Variants in ATP8A2 observed in about 807,000 individuals in gnomAD.
The protein encoded by ATP8A2 is phospholipid-transporting ATPase IB.
Under a neutral mutation model 165.6 loss-of-function variants are expected in ATP8A2, and 100 were observed. The ratio of observed to expected loss-of-function variants is 0.60; its 90% CI spans 0.51 to 0.71. The LOEUF (loss-of-function observed/expected upper bound fraction) is 0.71, where lower values mean the gene tolerates loss of function less well. Among genes scored for constraint, ATP8A2 ranks in the 30% least tolerant of loss-of-function variants. The pLI is 0.00. For synonymous variants in ATP8A2, 543 were observed against 548.8 expected, an observed-to-expected ratio of 0.99 and a Z score of 0.15; for missense variants, 1,227 against 1,479.5, an observed-to-expected ratio of 0.83 and a Z score of 2.80.
chr13:25,877,043 C>T (rs992481127), intron 33 of ATP8A2, among the ~76,000 whole-genome samples: 2 of 151,202 alleles, frequency 1.3e-5, no homozygotes, highest in African/African-American at 4.9e-5. Flanking sequence ...AAAAAAAAAA[C>T]TAATCCTTTT....
intron 25 of ATP8A2, among the ~76,000 whole-genome samples, chr13:25,710,185 G>C (rs188580751): frequency 2.0e-5 from 3 of 152,226 alleles, no homozygotes; most frequent in African/African-American, 7.2e-5. Context: ...GTGATGTTTT[G>C]ATACAGGCAT....
At chr13:25,896,173 G>A (rs1238040341) in intron 33 of ATP8A2, among the ~76,000 whole-genome samples, 4 of 152,132 alleles carry the variant, frequency 2.6e-5, no homozygotes, top group Non-Finnish European at 5.9e-5. Context: ...GGCATTTAGT[G>A]CTATAAATTT....
intron 24 of ATP8A2, among the ~76,000 whole-genome samples, chr13:25,651,545 C>T (rs1304641432): frequency 6.6e-6 from 1 of 150,742 alleles, no homozygotes; most frequent in Non-Finnish European, 1.5e-5. Flanking sequence ...AATTTATTGG[C>T]CTAAAGTTGT....
chr13:25,815,265 C>T (rs972479834), intron 27 of ATP8A2, among the ~76,000 whole-genome samples: 1 of 152,018 alleles, frequency 6.6e-6, no homozygotes, highest in Non-Finnish European at 1.5e-5. Flanking sequence ...AAAAGGCAGC[C>T]TATGGAATGG....
At chr13:25,728,417 G>A (rs909339706) in intron 25 of ATP8A2, among the ~76,000 whole-genome samples, 1 of 152,206 alleles carries the variant, frequency 6.6e-6, no homozygotes, top group African/African-American at 2.4e-5. Context: ...CCTGCTTAGA[G>A]AGTGGGGGTA....
intron 33 of ATP8A2, among the ~76,000 whole-genome samples, chr13:25,912,289 G>A (rs1954135293): frequency 1.3e-5 from 2 of 151,926 alleles, no homozygotes; most frequent in South Asian, 4.2e-4. Flanking sequence ...AATAAGCCAA[G>A]TACAGAAAGA....
At chr13:25,940,639 G>A (rs932062913) in intron 33 of ATP8A2, among the ~76,000 whole-genome samples, 9 of 152,162 alleles carry the variant, frequency 5.9e-5, no homozygotes, top group African/African-American at 2.2e-4. Flanking sequence ...CCACCTCCTA[G>A]CATAGCTGTC....
At chr13:25,591,748 A>G (rs2040086520) in intron 24 of ATP8A2, among the ~76,000 whole-genome samples, 1 of 152,014 alleles carries the variant, frequency 6.6e-6, no homozygotes, top group Admixed American at 6.6e-5. Flanking sequence ...ATGCCTGGCT[A>G]ATTTTTGTAT....
chr13:25,761,561 T>A (rs549439877), intron 25 of ATP8A2, among the ~76,000 whole-genome samples: 1 of 152,146 alleles, frequency 6.6e-6, no homozygotes, highest in South Asian at 2.1e-4. Context: ...GAGGATCGCT[T>A]GAGACCAGGA....
At chr13:25,791,492 C>G (rs1566142069) in intron 27 of ATP8A2, among the ~76,000 whole-genome samples, 1 of 150,570 alleles carries the variant, frequency 6.6e-6, no homozygotes, top group Non-Finnish European at 1.5e-5. Flanking sequence ...ACAAGTTTAC[C>G]TATGTAACAA....
At chr13:25,398,484 A>G (rs1170691366) in intron 1 of ATP8A2, among the ~76,000 whole-genome samples, 1 of 152,172 alleles carries the variant, frequency 6.6e-6, no homozygotes, top group Non-Finnish European at 1.5e-5. Flanking sequence ...TGGGGAGCTT[A>G]TAATTTTATT....
At chr13:25,729,129 A>G (rs2043559445) in intron 25 of ATP8A2, among the ~76,000 whole-genome samples, 2 of 151,426 alleles carry the variant, frequency 1.3e-5, no homozygotes, top group South Asian at 4.2e-4. Flanking sequence ...CTTGTGCAAG[A>G]TTTCAGTCAG....
intron 33 of ATP8A2, among the ~76,000 whole-genome samples, chr13:25,945,786 C>T (rs1310233679): frequency 6.6e-6 from 1 of 152,198 alleles, no homozygotes; most frequent in Non-Finnish European, 1.5e-5. Context: ...GGATGGATCG[C>T]GGCCAGCTGG....
intron 24 of ATP8A2, among the ~76,000 whole-genome samples, chr13:25,690,211 T>A (rs1244886786): frequency 1.3e-5 from 2 of 152,118 alleles, no homozygotes; most frequent in Admixed American, 1.3e-4. Context: ...TAATTAATAG[T>A]GTTCAGACTT....
At chr13:25,991,858 C>T (rs73474547) in intron 35 of ATP8A2, among the ~76,000 whole-genome samples, 2,141 of 150,726 alleles carry the variant, frequency 0.014, 51 homozygotes, top group African/African-American at 0.049. Context: ...GATAAATGTC[C>T]AGGAGTGCAA....
At chr13:25,896,507 C>T (rs1312849633) in intron 33 of ATP8A2, among the ~76,000 whole-genome samples, 1 of 148,970 alleles carries the variant, frequency 6.7e-6, no homozygotes, top group East Asian at 1.9e-4. Context: ...AACGTATATT[C>T]TGTTGATTTG....
At chr13:25,507,924 G>A (rs372581433) in intron 2 of ATP8A2, among the ~76,000 whole-genome samples, 4 of 152,082 alleles carry the variant, frequency 2.6e-5, no homozygotes, top group African/African-American at 9.7e-5. Flanking sequence ...GCAAAGGGAC[G>A]CTGGAAAGAT....
At chr13:25,799,595 T>G (rs1441281924) in intron 27 of ATP8A2, among the ~76,000 whole-genome samples, 2 of 152,230 alleles carry the variant, frequency 1.3e-5, no homozygotes, top group East Asian at 3.9e-4. Flanking sequence ...TCTTCCACGT[T>G]GGAGGGCAGC....
At chr13:25,451,382 A>G (rs1443718221) in intron 1 of ATP8A2, among the ~76,000 whole-genome samples, 5 of 152,104 alleles carry the variant, frequency 3.3e-5, no homozygotes, top group African/African-American at 4.8e-5. Flanking sequence ...CCTAGCACTC[A>G]TTTTGTTTGT....
Sources: allele counts gnomAD v4.1 joint callset (sites outside exome capture counted in the v4.1 genomes callset), GRCh38; gene constraint gnomAD v4.1.1; transcripts MANE v1.5; gene names NCBI Gene and HGNC (gene_info 2026-07-23, HGNC 2026-07-21).